NTM: variants seen among roughly 807,000 people sequenced by gnomAD.
NTM encodes neurotrimin.
NTM carries 13 observed loss-of-function variants against 42.1 expected under a neutral mutation model. The observed-to-expected ratio is 0.31, with a 90% CI of 0.20 to 0.49. The LOEUF is 0.49. Among genes scored for constraint, NTM ranks in the 20% least tolerant of loss-of-function variants. NTM has a pLI of 0.99. For synonymous variants in NTM, 187 were observed against 179.2 expected, an observed-to-expected ratio of 1.04 and a Z score of -0.35; for missense variants, 373 against 452.8, an observed-to-expected ratio of 0.82 and a Z score of 1.60.
chr11:131,880,899 G>T (rs931753239), intron 1 of NTM, among the ~76,000 whole-genome samples: 8 of 151,898 alleles, frequency 5.3e-5, no homozygotes, highest in Non-Finnish European at 1.0e-4. Flanking sequence ...CAAAGATATA[G>T]GGCTCCTGAA....
chr11:131,958,022 A>G (rs111347408), intron 2 of NTM, among the ~76,000 whole-genome samples: 1 of 152,100 alleles, frequency 6.6e-6, no homozygotes, highest in African/African-American at 2.4e-5. Flanking sequence ...TGGTGCCATA[A>G]AAAAAATGCA....
chr11:132,064,474 A>G (rs909579422), intron 2 of NTM, among the ~76,000 whole-genome samples: 3 of 152,202 alleles, frequency 2.0e-5, no homozygotes, highest in African/African-American at 7.2e-5. Context: ...CATTATCCAA[A>G]AGGTACAAGA....
chr11:131,529,719 T>G (rs986644654), intron 1 of NTM, among the ~76,000 whole-genome samples: 2 of 152,132 alleles, frequency 1.3e-5, no homozygotes, highest in Non-Finnish European at 2.9e-5. Flanking sequence ...AAAGAAAGAC[T>G]GAAAAGCCTG....
chr11:131,670,228 C>A (rs1472016076), intron 1 of NTM, among the ~76,000 whole-genome samples: 1 of 152,178 alleles, frequency 6.6e-6, no homozygotes, highest in African/African-American at 2.4e-5. Context: ...ACCCACTCCA[C>A]CCTCATCCCC....
chr11:131,631,311 C>A (rs565241845), intron 1 of NTM, among the ~76,000 whole-genome samples: 34 of 152,166 alleles, frequency 2.2e-4, no homozygotes, highest in Non-Finnish European at 2.9e-5. Flanking sequence ...GAGAAAACCA[C>A]GCAAATAACA....
chr11:131,654,376 G>A (rs1442305551), intron 1 of NTM, among the ~76,000 whole-genome samples: 2 of 152,160 alleles, frequency 1.3e-5, no homozygotes, highest in Non-Finnish European at 2.9e-5. Context: ...GAGGAGGTGA[G>A]GGGACCTCAC....
chr11:132,044,696 A>G (rs2077734730), intron 2 of NTM, among the ~76,000 whole-genome samples: 1 of 152,186 alleles, frequency 6.6e-6, no homozygotes. Flanking sequence ...CTGAGCTCCC[A>G]GTGCTTTTCC....
chr11:131,500,026 G>T (rs973416801), intron 1 of NTM, among the ~76,000 whole-genome samples: 4 of 152,196 alleles, frequency 2.6e-5, no homozygotes, highest in African/African-American at 9.7e-5. Context: ...TGCAGTGTGT[G>T]GTCCCCCCAT....
intron 1 of NTM, among the ~76,000 whole-genome samples, chr11:131,656,339 C>T (rs924496645): frequency 6.6e-6 from 1 of 152,242 alleles, no homozygotes; most frequent in Non-Finnish European, 1.5e-5. Context: ...AAAAATACTG[C>T]ACCTCTAGAT....
chr11:132,050,052 C>T (rs537959823), intron 2 of NTM, among the ~76,000 whole-genome samples: 8 of 152,230 alleles, frequency 5.3e-5, no homozygotes, highest in Non-Finnish European at 8.8e-5. Context: ...AAAAGGCAGT[C>T]GGAAATTTGC....
At chr11:131,563,058 C>T (rs2056435595) in intron 1 of NTM, among the ~76,000 whole-genome samples, 1 of 152,190 alleles carries the variant, frequency 6.6e-6, no homozygotes, top group South Asian at 2.1e-4. Flanking sequence ...CCAGAGTGAC[C>T]TTGGGCAAAT....
chr11:131,659,439 T>G (rs2067659479), intron 1 of NTM, among the ~76,000 whole-genome samples: 2 of 152,298 alleles, frequency 1.3e-5, no homozygotes, highest in South Asian at 4.1e-4. Context: ...AGACCCTGTA[T>G]GCTGAGCCCT....
intron 1 of NTM, among the ~76,000 whole-genome samples, chr11:131,838,673 G>T (rs972785079): frequency 5.9e-5 from 9 of 152,182 alleles, no homozygotes; most frequent in Non-Finnish European, 1.0e-4. Flanking sequence ...TGTCATATGC[G>T]CACTCAAACT....
intron 1 of NTM, among the ~76,000 whole-genome samples, chr11:131,590,196 G>T (rs1478052805): frequency 1.3e-5 from 2 of 152,202 alleles, no homozygotes; most frequent in Non-Finnish European, 2.9e-5. Context: ...AAAGTCATCT[G>T]TGTCCTTTCT....
chr11:132,296,556 A>G (rs1209283028), intron 4 of NTM, among the ~76,000 whole-genome samples: 1 of 152,182 alleles, frequency 6.6e-6, no homozygotes, highest in East Asian at 1.9e-4. Flanking sequence ...AGGCCCAGTT[A>G]TTTCCTCAAG....
In NTM at chr11:131,537,771, C is replaced by G. The variant is rs1044917192; in HGVS notation, c.82+166883C>G. ...CTCCCGGCACTGCCCTCCCAATTCA[C>G]CTGCATTGTTTCTACCTCCTTCCAG... is the stretch of plus-strand genomic sequence containing the variant. On this transcript the variant is annotated intron_variant, in intron 1 of 8. Coordinates refer to ENST00000683400, the MANE Select transcript of NTM (RefSeq NM_001352005.2). 3.9e-5 allele frequency: 6 copies of G among 152,576 alleles called. No individual in the cohort carries two copies. In the East Asian group the frequency reaches 1.2e-3, roughly 29 times the overall value. The allele number at this position is 152,576 out of a possible 1,614,324, so 9.5% of individuals were successfully genotyped here. A position where few individuals can be genotyped will look rare whatever the true frequency, so the allele number is the denominator to read the frequency against.
intron 2 of NTM, among the ~76,000 whole-genome samples, chr11:131,996,887 C>A (rs915857463): frequency 6.6e-6 from 1 of 152,130 alleles, no homozygotes; most frequent in Admixed American, 6.5e-5. Context: ...CATCCCCGCC[C>A]CTCTAGATGG....
At chr11:131,492,014 C>G (rs1385429109) in intron 1 of NTM, among the ~76,000 whole-genome samples, 1 of 152,164 alleles carries the variant, frequency 6.6e-6, no homozygotes, top group African/African-American at 2.4e-5. Flanking sequence ...ATTGCCATAT[C>G]CATTTTGGAA....
At chr11:131,767,135 G>A (rs2085249087) in intron 1 of NTM, 5 of 982,932 alleles carry the variant, frequency 5.1e-6, no homozygotes, top group Non-Finnish European at 6.0e-6. Context: ...AGGATCAACA[G>A]TTCAGGCTCC....
Sources: gnomAD v4.1 joint callset for allele counts (sites outside exome capture counted in the v4.1 genomes callset) on GRCh38, gnomAD v4.1.1 for gene constraint, MANE v1.5 for transcripts, NCBI Gene and HGNC (gene_info 2026-07-23, HGNC 2026-07-21) for gene names.